The following SLC18A2 variants were observed in gnomAD, a reference collection of about 807,000 sequenced individuals.
The protein encoded by SLC18A2 is synaptic vesicular amine transporter.
SLC18A2 carries 33 observed loss-of-function variants against 59.2 expected under a neutral mutation model. The ratio of observed to expected loss-of-function variants is 0.56; its 90% CI spans 0.42 to 0.75. SLC18A2 has a LOEUF of 0.75. SLC18A2 is among the 30% of genes least tolerant of loss of function. The pLI is 0.00. For synonymous variants in SLC18A2, 228 were observed against 253.5 expected (o/e 0.90, Z 0.95); for missense variants, 569 against 668.6 (o/e 0.85, Z 1.64).
chr10:117,254,159 G>C, intron 5 of SLC18A2, 28 bp downstream of exon 5: 2 of 1,606,814 alleles, frequency 1.2e-6, no homozygotes, highest in Non-Finnish European at 1.7e-6. Context: ...GAGTGAGTTC[G>C]TGAGGGGCCC....
intron 15 of SLC18A2, among the ~76,000 whole-genome samples, chr10:117,275,523 T>A (rs1313099342): frequency 6.6e-6 from 1 of 152,222 alleles, no homozygotes; most frequent in Non-Finnish European, 1.5e-5. Context: ...TCATTTTAGT[T>A]GCACATGACG....
At chr10:117,253,508 T>C (rs1844186995) in intron 4 of SLC18A2, 51 bp downstream of exon 4, 13 of 1,106,998 alleles carry the variant, frequency 1.2e-5, no homozygotes, top group Non-Finnish European at 1.7e-5. Context: ...AGGGTGGGCA[T>C]TGATGCCCAT....
intron 10 of SLC18A2, among the ~76,000 whole-genome samples, chr10:117,263,413 CTA>C (rs1565006841): frequency 6.6e-6 from 1 of 152,210 alleles, no homozygotes; most frequent in Admixed American, 6.5e-5. Flanking sequence ...TGGAGAAAGA[CTA>C]TGATATTTGA....
intron 3 of SLC18A2, among the ~76,000 whole-genome samples, chr10:117,248,199 A>C (rs1032189339): frequency 1.3e-5 from 2 of 152,068 alleles, no homozygotes; most frequent in Non-Finnish European, 2.9e-5. Context: ...TCCTGACCTC[A>C]AGTGATCCTC....
intron 5 of SLC18A2, 93 bp downstream of exon 5, chr10:117,254,224 G>A: frequency 7.3e-7 from 1 of 1,370,958 alleles, no homozygotes; most frequent in East Asian, 2.3e-5. Context: ...GGTGGTTGGG[G>A]TGCTGGGGAT....
chr10:117,268,793 C>A (rs949170558), intron 13 of SLC18A2: 1 of 152,080 alleles, frequency 6.6e-6, no homozygotes, highest in South Asian at 2.1e-4. Context: ...TCATCTGGCC[C>A]TGCTCAGAAA....
intron 4 of SLC18A2, 52 bp downstream of exon 4, chr10:117,253,509 T>C: frequency 4.0e-5 from 41 of 1,021,404 alleles, no homozygotes; most frequent in Non-Finnish European, 5.1e-5. Context: ...GGGTGGGCAT[T>C]GATGCCCATG....
intron 10 of SLC18A2, among the ~76,000 whole-genome samples, chr10:117,258,820 G>A (rs987721358): frequency 8.1e-5 from 12 of 147,868 alleles, no homozygotes; most frequent in African/African-American, 3.0e-4. Context: ...AGGCTGGAGT[G>A]CGGTGGCACG....
At position 117,277,237 on chromosome 10, in the gene SLC18A2, G is replaced by T; in HGVS notation, c.1516G>T (p.Gly506Cys). 6.2e-7 allele frequency: 1 copy of T among 1,609,652 alleles called. No homozygotes were observed. The highest frequency in any genetic ancestry group is 1.1e-5 in the South Asian group (1 of 90,880). The change falls in exon 16 of 16, where the codon GGT (glycine) becomes TGT (cysteine). Residue 506 changes from glycine to cysteine, a missense_variant. Coordinates refer to ENST00000644641, the MANE Select transcript of SLC18A2 (RefSeq NM_003054.6). ...GAATAATATCCAGTCATATCCGATA[G>T]GTGAAGATGAAGAATCTGAAAGTGA... ...TQNNIQSYPI[G>C]EDEESESD
rs745991723 is a variant in SLC18A2 at position 117,270,416 on chromosome 10, CCT to C, written c.1398_1399del (p.Cys467LeufsTer24). The C allele has an allele frequency of 3.1e-6, 5 of 1,613,828 alleles. No homozygotes were observed. The highest frequency in any genetic ancestry group is 3.4e-6 in the Non-Finnish European group (4 of 1,179,936). On this transcript the variant is annotated frameshift_variant, in exon 15 of 16. Coordinates refer to ENST00000644641, the MANE Select transcript of SLC18A2 (RefSeq NM_003054.6). LOFTEE classifies it high-confidence loss of function. ...IIGIIDILFA[P>X]LCFFLRSPPA... Reference sequence around the variant, plus strand: ...TGGGATAATTGATATTCTTTTTGCCCCTCTCTGCTTTTTTCTTCGAAGTCCAC... The same window carrying C: ...TGGGATAATTGATATTCTTTTTGCCCCTCTGCTTTTTTCTTCGAAGTCCAC...
intron 13 of SLC18A2, chr10:117,268,151 T>C (rs911447227): frequency 3.7e-5 from 6 of 161,014 alleles, no homozygotes; most frequent in Non-Finnish European, 8.1e-5. Flanking sequence ...GATGACCGCC[T>C]GTGCTGCAGG....
At chr10:117,274,938 T>C (rs553726793) in intron 15 of SLC18A2, among the ~76,000 whole-genome samples, 2 of 152,268 alleles carry the variant, frequency 1.3e-5, no homozygotes, top group East Asian at 3.9e-4. Context: ...TCTTAGATAA[T>C]GCCATGTAAC....
At chr10:117,272,885 AG>A (rs538267695) in intron 15 of SLC18A2, among the ~76,000 whole-genome samples, 59 of 152,150 alleles carry the variant, frequency 3.9e-4, no homozygotes, top group Non-Finnish European at 7.1e-4. Context: ...CCTAATGATA[AG>A]GGGGCATGCA....
At chr10:117,245,359 A>C (rs1301479506) in intron 3 of SLC18A2, among the ~76,000 whole-genome samples, 1 of 152,158 alleles carries the variant, frequency 6.6e-6, no homozygotes, top group Non-Finnish European at 1.5e-5. Flanking sequence ...CTAAGGAGGC[A>C]GGGGAAACCA....
chr10:117,260,863 G>C (rs745382401), intron 10 of SLC18A2, among the ~76,000 whole-genome samples: 1 of 152,192 alleles, frequency 6.6e-6, no homozygotes, highest in African/African-American at 2.4e-5. Context: ...AGAGCAGGGC[G>C]TCCTCAGAAA....
intron 3 of SLC18A2, among the ~76,000 whole-genome samples, chr10:117,249,352 G>A (rs528132373): frequency 6.6e-6 from 1 of 152,384 alleles, no homozygotes; most frequent in African/African-American, 2.4e-5. Flanking sequence ...GTGCCCCCTG[G>A]AATTCTCTGG....
intron 12 of SLC18A2, 156 bp from the exon 13 acceptor site, chr10:117,267,517 G>A (rs980208655): frequency 5.7e-6 from 3 of 524,170 alleles, no homozygotes; most frequent in African/African-American, 5.6e-5. Flanking sequence ...GATTTGGAGG[G>A]TCCGGTTCTT....
chr10:117,247,231 G>A (rs531255945), intron 3 of SLC18A2, among the ~76,000 whole-genome samples: 1 of 152,306 alleles, frequency 6.6e-6, no homozygotes, highest in East Asian at 1.9e-4. Flanking sequence ...CAAGTCTTCA[G>A]TGTTGTAAAC....
intron 3 of SLC18A2, among the ~76,000 whole-genome samples, chr10:117,251,265 T>C (rs1295872419): frequency 6.6e-6 from 1 of 152,192 alleles, no homozygotes; most frequent in Non-Finnish European, 1.5e-5. Flanking sequence ...TGGGACAAAC[T>C]GTAGTTGCTG....
Sources: gnomAD v4.1 joint callset for allele counts (sites outside exome capture counted in the v4.1 genomes callset) on GRCh38, gnomAD v4.1.1 for gene constraint, MANE v1.5 for transcripts, NCBI Gene and HGNC (gene_info 2026-07-23, HGNC 2026-07-21) for gene names.